The following PGBD5 variants were observed in gnomAD, a reference collection of about 807,000 sequenced individuals.
The protein encoded by PGBD5 is piggyBac transposable element-derived protein 5.
Under a neutral mutation model 47.9 loss-of-function variants are expected in PGBD5, and 14 were observed. The observed-to-expected ratio is 0.29, with a 90% CI of 0.19 to 0.46. The LOEUF is 0.46. Ranked by LOEUF, PGBD5 falls within the 20% of genes least tolerant of loss-of-function variation. PGBD5 has a pLI of 1.00. For synonymous variants in PGBD5, 316 were observed against 306.3 expected, an observed-to-expected ratio of 1.03 and a Z score of -0.33; for missense variants, 635 against 716.0, an observed-to-expected ratio of 0.89 and a Z score of 1.29.
intron 1 of PGBD5, among the ~76,000 whole-genome samples, chr1:230,376,328 C>T (rs186226536): frequency 3.3e-5 from 5 of 152,226 alleles, no homozygotes; most frequent in East Asian, 3.9e-4. Flanking sequence ...GGACTGAGCC[C>T]GCCTGACCTG....
intron 5 of PGBD5, among the ~76,000 whole-genome samples, chr1:230,328,984 G>A (rs760238053): frequency 2.6e-5 from 4 of 151,782 alleles, no homozygotes; most frequent in Non-Finnish European, 5.9e-5. Flanking sequence ...TCAGACTGAA[G>A]TGCAGTGTCA....
At position 230,316,737 on chromosome 1, in the gene PGBD5, A is replaced by C. The variant is rs1666958488; in HGVS notation, c.*6688T>G. On this transcript the variant is annotated 3_prime_UTR_variant, in exon 7 of 7. Transcript: ENST00000391860. Reference sequence around the variant, plus strand: ...GGCTGGAGGAGTAGGTGGGCACCATACTTCCTTGGAGAAAACAGAAGCAAG... The same window carrying C: ...GGCTGGAGGAGTAGGTGGGCACCATCCTTCCTTGGAGAAAACAGAAGCAAG... 1 of 152,116 alleles carries C rather than the reference A, an allele frequency of 6.6e-6. No homozygotes were observed. The highest frequency in any genetic ancestry group is 2.4e-5 in the African/African-American group (1 of 41,432). The allele number at this position is 152,116 out of a possible 1,614,324, so 9.4% of individuals were successfully genotyped here.
At chr1:230,397,146 C>T (rs886806541) in intron 1 of PGBD5, among the ~76,000 whole-genome samples, 5 of 152,200 alleles carry the variant, frequency 3.3e-5, no homozygotes, top group Admixed American at 1.3e-4. Context: ...CCCGCACACG[C>T]GCCTGCATGC....
At chr1:230,422,485 G>A (rs1657670050) in intron 1 of PGBD5, among the ~76,000 whole-genome samples, 1 of 152,142 alleles carries the variant, frequency 6.6e-6, no homozygotes, top group Admixed American at 6.5e-5. Flanking sequence ...AGGGTCCTAG[G>A]CTCTGCACTC....
chr1:230,354,654 G>A (rs1303503877), intron 2 of PGBD5, among the ~76,000 whole-genome samples: 1 of 152,130 alleles, frequency 6.6e-6, no homozygotes, highest in East Asian at 1.9e-4. Flanking sequence ...GTAAAGCTCT[G>A]CCCACCTGCC....
chr1:230,414,336 T>TC (rs1336409621), intron 1 of PGBD5, among the ~76,000 whole-genome samples: 10 of 152,270 alleles, frequency 6.6e-5, no homozygotes, highest in African/African-American at 2.4e-4. Context: ...CACCAAAGCA[T>TC]CCCACACACT....
intron 1 of PGBD5, among the ~76,000 whole-genome samples, chr1:230,384,089 T>C (rs1035711070): frequency 7.9e-5 from 12 of 152,212 alleles, no homozygotes; most frequent in African/African-American, 2.2e-4. Flanking sequence ...GACGGAAAGA[T>C]TCCTGATTTC....
chr1:230,316,097 T>A lies in PGBD5; in HGVS notation c.*7328A>T, dbSNP rs1321594771. 1.3e-5 allele frequency: 2 copies of A among 150,722 alleles called. No homozygotes were observed. The highest frequency in any genetic ancestry group is 2.5e-5 in the African/African-American group (1 of 40,812). The allele number at this position is 150,722 out of a possible 1,614,324, so 9.3% of individuals were successfully genotyped here. A position where few individuals can be genotyped will look rare whatever the true frequency, so the allele number is the denominator to read the frequency against. On this transcript the variant is annotated 3_prime_UTR_variant, in exon 7 of 7. Transcript: ENST00000391860. ...ACATGTTTATGTGTATACATACATA[T>A]GTTTATGTGTACACATATATCTATG...
chr1:230,373,852 C>A (rs1414171959), intron 1 of PGBD5, among the ~76,000 whole-genome samples: 1 of 152,084 alleles, frequency 6.6e-6, no homozygotes, highest in Non-Finnish European at 1.5e-5. Context: ...CACCACCACA[C>A]CCGGCTAATT....
chr1:230,356,059 A>G (rs989621192), intron 2 of PGBD5, among the ~76,000 whole-genome samples: 19 of 152,236 alleles, frequency 1.2e-4, no homozygotes, highest in Non-Finnish European at 1.5e-5. Context: ...AGAGATGTGC[A>G]GTGGGTCTTT....
rs1488020234 is a variant in PGBD5, at chr1:230,318,135, C to G, written c.*5290G>C. The stretch of plus-strand genomic sequence containing the variant: ...TGGGCACCCCAGGGAGGGAGGGACA[C>G]AGAGATGGCTAAATGGCAGCGAGCT... On this transcript the variant is annotated 3_prime_UTR_variant, in exon 7 of 7. Transcript: ENST00000391860. 1 of 152,256 alleles carries G rather than the reference C, an allele frequency of 6.6e-6. No homozygotes were observed. The highest frequency in any genetic ancestry group is 1.5e-5 in the Non-Finnish European group (1 of 68,088). 9.4% of individuals were successfully genotyped at this position (152,256 alleles called of 1,614,324 possible). A position where few individuals can be genotyped will look rare whatever the true frequency, so the allele number is the denominator to read the frequency against.
At chr1:230,393,654 T>A (rs1402054105) in intron 1 of PGBD5, among the ~76,000 whole-genome samples, 1 of 151,394 alleles carries the variant, frequency 6.6e-6, no homozygotes, top group Non-Finnish European at 1.5e-5. Flanking sequence ...TGAAACCCCG[T>A]CTCTACTAAA....
chr1:230,373,636 T>C lies in PGBD5; in HGVS notation c.332-16315A>G, dbSNP rs76021627. On this transcript the variant is annotated intron_variant, in intron 1 of 6. Coordinates refer to ENST00000391860, the MANE Select transcript of PGBD5 (RefSeq NM_001258311.2). The stretch of plus-strand genomic sequence containing the variant: ...CTAAATTTTTAAGGTGAAATATGAC[T>C]TTGTAAAATGTTCATATTTTTTGAA... Among the ~76,000 whole-genome samples, 522 of 152,340 alleles carry C rather than the reference T, an allele frequency of 3.4e-3. 4 individuals carry two copies. The highest frequency in any genetic ancestry group is 0.012 in the African/African-American group (499 of 41,564).
At chr1:230,345,318 T>A (rs1667459826) in intron 3 of PGBD5, among the ~76,000 whole-genome samples, 1 of 152,210 alleles carries the variant, frequency 6.6e-6, no homozygotes, top group Non-Finnish European at 1.5e-5. Flanking sequence ...ATGAGCAGCC[T>A]CAGCGTCTTG....
chr1:230,420,915 T>C (rs1316205215), intron 1 of PGBD5, among the ~76,000 whole-genome samples: 1 of 152,190 alleles, frequency 6.6e-6, no homozygotes, highest in African/African-American at 2.4e-5. Flanking sequence ...TATGGTGGAA[T>C]GCACCTTCAG....
chr1:230,325,988 C>A (rs1367055085), intron 5 of PGBD5, among the ~76,000 whole-genome samples: 1 of 152,166 alleles, frequency 6.6e-6, no homozygotes, highest in Non-Finnish European at 1.5e-5. Flanking sequence ...GGTTTTGCAT[C>A]CTTTAATAAA....
At chr1:230,415,196 G>C (rs922805530) in intron 1 of PGBD5, among the ~76,000 whole-genome samples, 1 of 151,894 alleles carries the variant, frequency 6.6e-6, no homozygotes, top group South Asian at 2.1e-4. Context: ...GACTGCTTGA[G>C]CCCAGGAGTT....
chr1:230,365,556 A>G (rs1667815264), intron 1 of PGBD5, among the ~76,000 whole-genome samples: 2 of 152,170 alleles, frequency 1.3e-5, no homozygotes, highest in African/African-American at 4.8e-5. Context: ...TGGCCAACTC[A>G]AGTGCCTTCC....
At chr1:230,378,239 C>G (rs145320784) in intron 1 of PGBD5, among the ~76,000 whole-genome samples, 38 of 152,320 alleles carry the variant, frequency 2.5e-4, no homozygotes, top group Non-Finnish European at 1.5e-4. Flanking sequence ...GACACAGGAT[C>G]TAACACAGCA....
Sources: gnomAD v4.1 joint callset for allele counts (sites outside exome capture counted in the v4.1 genomes callset) on GRCh38, gnomAD v4.1.1 for gene constraint, MANE v1.5 for transcripts, NCBI Gene and HGNC (gene_info 2026-07-23, HGNC 2026-07-21) for gene names.